MYO6: variants seen among roughly 807,000 people sequenced by gnomAD.
The protein encoded by MYO6 is unconventional myosin-VI.
In MYO6, 74 loss-of-function variants were observed where a neutral mutation model predicts 178.7. That is an observed-to-expected ratio of 0.41 (90% CI 0.34 to 0.50). The LOEUF (loss-of-function observed/expected upper bound fraction) is 0.50, where lower values mean the gene tolerates loss of function less well. MYO6 is among the 20% of genes least tolerant of loss of function. The pLI, the probability that MYO6 is intolerant of heterozygous loss-of-function variation, is 0.09. For missense variants in MYO6, 1,330 were observed against 1,547.4 expected, an observed-to-expected ratio of 0.86 and a Z score of 2.36; for synonymous variants, 477 against 504.6, an observed-to-expected ratio of 0.95 and a Z score of 0.73.
intron 26 of MYO6, among the ~76,000 whole-genome samples, chr6:75,890,606 A>G (rs144599992): frequency 0.022 from 3,320 of 152,158 alleles, 127 homozygotes; most frequent in African/African-American, 0.076. Context: ...CGGCCTCCCA[A>G]AGCGCTTGGA....
chr6:75,797,077 T>C, intron 1 of MYO6, among the ~76,000 whole-genome samples: 1 of 152,002 alleles, frequency 6.6e-6, no homozygotes. Context: ...TCTGTGTGTG[T>C]ATTTATTTAT....
chr6:75,807,632 G>A (rs11757208), intron 1 of MYO6, among the ~76,000 whole-genome samples: 6,256 of 152,244 alleles, frequency 0.041, 200 homozygotes, highest in Non-Finnish European at 0.059. Flanking sequence ...TTTCAGACGA[G>A]TCCATAAAGT....
At chr6:75,817,844 A>AT (rs754147043) in intron 2 of MYO6, among the ~76,000 whole-genome samples, 180 bp downstream of exon 2, 1 of 152,216 alleles carries the variant, frequency 6.6e-6, no homozygotes, top group South Asian at 2.1e-4. Flanking sequence ...TAGGGAAAAA[A>AT]TGGTGCCCTA....
intron 3 of MYO6, among the ~76,000 whole-genome samples, chr6:75,823,910 TTTA>T (rs1772167162): frequency 6.6e-6 from 1 of 152,230 alleles, no homozygotes; most frequent in South Asian, 2.1e-4. Flanking sequence ...GGTAGCTGTT[TTTA>T]TTAGGTGCAA....
chr6:75,890,717 G>T (rs1482927956), intron 26 of MYO6, among the ~76,000 whole-genome samples: 1 of 152,128 alleles, frequency 6.6e-6, no homozygotes, highest in African/African-American at 2.4e-5. Context: ...AGAGAATAAG[G>T]TCATTTTATA....
At chr6:75,770,155 C>T (rs1353669823) in intron 1 of MYO6, among the ~76,000 whole-genome samples, 1 of 152,168 alleles carries the variant, frequency 6.6e-6, no homozygotes, top group Non-Finnish European at 1.5e-5. Context: ...GTAACACCAC[C>T]CACTCTCCCT....
intron 1 of MYO6, among the ~76,000 whole-genome samples, chr6:75,781,446 G>T (rs1232121924): frequency 6.6e-6 from 1 of 152,144 alleles, no homozygotes; most frequent in Non-Finnish European, 1.5e-5. Flanking sequence ...ACGTATAGAG[G>T]ATACCCTTGG....
intron 3 of MYO6, among the ~76,000 whole-genome samples, chr6:75,826,401 TA>T (rs1339519980): frequency 6.6e-6 from 1 of 152,150 alleles, no homozygotes; most frequent in Non-Finnish European, 1.5e-5. Flanking sequence ...GGAGTAAAGA[TA>T]GGAGAGCAAG....
At chr6:75,886,146 A>G in intron 24 of MYO6, 52 bp downstream of exon 24, 3 of 1,209,314 alleles carry the variant, frequency 2.5e-6, no homozygotes, top group Non-Finnish European at 3.6e-6. Flanking sequence ...TTACTGTAAT[A>G]CAAAATGACA....
intron 2 of MYO6, among the ~76,000 whole-genome samples, chr6:75,819,831 A>G (rs1258137883): frequency 6.6e-6 from 1 of 152,146 alleles, no homozygotes; most frequent in Non-Finnish European, 1.5e-5. Flanking sequence ...AGGAGGGAGG[A>G]TTGCTTGAGC....
At chr6:75,874,166 T>G (rs1777378211) in intron 20 of MYO6, among the ~76,000 whole-genome samples, 1 of 152,180 alleles carries the variant, frequency 6.6e-6, no homozygotes, top group South Asian at 2.1e-4. Flanking sequence ...TGCATGTAAT[T>G]TTCTGCTTCG....
chr6:75,871,558 C>T (rs1425616915), intron 19 of MYO6, among the ~76,000 whole-genome samples: 2 of 152,198 alleles, frequency 1.3e-5, no homozygotes, highest in Non-Finnish European at 2.9e-5. Flanking sequence ...TTAGAACTTG[C>T]GTATTCTTTT....
At chr6:75,865,384 G>C (rs147508817) in intron 16 of MYO6, 2 of 69,280 alleles carry the variant, frequency 2.9e-5, no homozygotes, top group African/African-American at 5.3e-5. Context: ...TTTTTTTTGA[G>C]ACAGGGTCTG....
chr6:75,754,845 T>G (rs1182879243), intron 1 of MYO6, among the ~76,000 whole-genome samples: 1 of 152,218 alleles, frequency 6.6e-6, no homozygotes, highest in African/African-American at 2.4e-5. Flanking sequence ...TTAAAATATT[T>G]TTGTATGCAT....
intron 11 of MYO6, 131 bp downstream of exon 11, chr6:75,848,662 A>T: frequency 1.1e-6 from 1 of 883,128 alleles, no homozygotes; most frequent in Non-Finnish European, 1.7e-6. Context: ...ATACTGAGTT[A>T]AATGTTGAAT....
chr6:75,838,956 G>A (rs1773931103), intron 7 of MYO6, among the ~76,000 whole-genome samples: 1 of 151,946 alleles, frequency 6.6e-6, no homozygotes, highest in Non-Finnish European at 1.5e-5. Context: ...CACCGCGCCT[G>A]GCTGACCATG....
intron 1 of MYO6, among the ~76,000 whole-genome samples, chr6:75,792,289 A>G (rs890798100): frequency 1.4e-4 from 21 of 152,314 alleles, no homozygotes; most frequent in African/African-American, 4.8e-4. Flanking sequence ...AAATGATTTC[A>G]CTTTATAGAT....
At chr6:75,899,158 T>C (rs1779534483) in intron 30 of MYO6, among the ~76,000 whole-genome samples, 2 of 152,178 alleles carry the variant, frequency 1.3e-5, no homozygotes, top group Admixed American at 1.3e-4. Context: ...CTATGTTTTT[T>C]AGTAGATGTA....
At chr6:75,855,072 GA>G in intron 11 of MYO6, 66 bp from the exon 12 acceptor site, 1 of 1,365,282 alleles carries the variant, frequency 7.3e-7, no homozygotes, top group Non-Finnish European at 1.0e-6. Flanking sequence ...ATAATTCTAA[GA>G]AATGGGTCTT....
Sources: gnomAD v4.1 joint callset for allele counts (sites outside exome capture counted in the v4.1 genomes callset) on GRCh38, gnomAD v4.1.1 for gene constraint, MANE v1.5 for transcripts, NCBI Gene and HGNC (gene_info 2026-07-23, HGNC 2026-07-21) for gene names.